PALLD: variants seen among roughly 807,000 people sequenced by gnomAD.
PALLD encodes palladin, cytoskeletal associated protein, also known as palladin.
In PALLD, 61 loss-of-function variants were observed where a neutral mutation model predicts 123.5. The observed-to-expected ratio is 0.49, with a 90% CI of 0.40 to 0.61. PALLD has a LOEUF of 0.61. PALLD is among the 20% of genes least tolerant of loss of function. PALLD has a pLI of 0.00. For synonymous variants in PALLD, 465 were observed against 496.4 expected, an observed-to-expected ratio of 0.94 and a Z score of 0.84; for missense variants, 1,273 against 1,377.0, an observed-to-expected ratio of 0.92 and a Z score of 1.20.
At chr4:168,679,500 T>TGC (rs1167078728) in intron 3 of PALLD, among the ~76,000 whole-genome samples, 5 of 124,194 alleles carry the variant, frequency 4.0e-5, no homozygotes, top group Admixed American at 1.6e-4. Flanking sequence ...GTGGGGTGTG[T>TGC]GTGTTTGTGT....
intron 10 of PALLD, among the ~76,000 whole-genome samples, chr4:168,725,586 G>C (rs1157513051): frequency 2.1e-5 from 3 of 143,634 alleles, no homozygotes; most frequent in Non-Finnish European, 3.0e-5. Context: ...GAGTGCAGTG[G>C]TGCGATCTCT....
Position 168,924,214 on chromosome 4 carries a change from T to C in PALLD, c.3059-41T>C, listed in dbSNP as rs1031605219. 7.0e-6 allele frequency: 11 copies of C among 1,567,720 alleles called. No individual in the cohort carries two copies. The African/African-American group carries it at 1.5e-4, about 21-fold the overall frequency. ...TTCTGAATTCTTTCTAGTGCTCCTT[T>C]TGTATATCATTGATAGAGAATTCAT... On this transcript the variant is annotated intron_variant, in intron 18 of 21. Transcript: ENST00000505667.
At chr4:168,720,464 A>G (rs559044016) in intron 10 of PALLD, among the ~76,000 whole-genome samples, 17 of 151,332 alleles carry the variant, frequency 1.1e-4, no homozygotes, top group Admixed American at 3.3e-4. Flanking sequence ...TCTTCAAAAT[A>G]TTAGGGAAGA....
At chr4:168,528,935 G>A (rs771699922) in intron 2 of PALLD, among the ~76,000 whole-genome samples, 3 of 152,162 alleles carry the variant, frequency 2.0e-5, no homozygotes, top group Non-Finnish European at 2.9e-5. Context: ...TGGATGAGGA[G>A]TGTGATACAA....
chr4:168,625,801 T>C (rs903340132), intron 2 of PALLD, among the ~76,000 whole-genome samples: 1 of 152,072 alleles, frequency 6.6e-6, no homozygotes, highest in Non-Finnish European at 1.5e-5. Flanking sequence ...TTGGAACTCA[T>C]GCGCCCTGTT....
At chr4:168,854,735 T>C (rs1455218500) in intron 10 of PALLD, among the ~76,000 whole-genome samples, 1 of 152,188 alleles carries the variant, frequency 6.6e-6, no homozygotes, top group Non-Finnish European at 1.5e-5. Flanking sequence ...AAGAGTGCTA[T>C]TAAAAAAGGA....
intron 2 of PALLD, among the ~76,000 whole-genome samples, chr4:168,537,067 C>T (rs561268435): frequency 1.3e-5 from 2 of 152,234 alleles, no homozygotes; most frequent in South Asian, 4.1e-4. Flanking sequence ...CCTTGTGATC[C>T]GCTGCCTCGG....
At chr4:168,883,664 C>G (rs536377164) in intron 10 of PALLD, among the ~76,000 whole-genome samples, 1 of 152,292 alleles carries the variant, frequency 6.6e-6, no homozygotes, top group African/African-American at 2.4e-5. Flanking sequence ...ATTTTACCTT[C>G]CAGATGCTTG....
chr4:168,617,630 T>C lies in PALLD; in HGVS notation c.909-50560T>C, dbSNP rs189710774. ...AGTCAGACTCCCTGGGTCTGAATAC[T>C]GGGCCCTCACTTTTTCGTGTGCATT... On this transcript the variant is annotated intron_variant, in intron 2 of 21. Transcript: ENST00000505667. Among the ~76,000 whole-genome samples the C allele has an allele frequency of 5.3e-5, 8 of 152,320 alleles. No homozygotes were observed. The East Asian group carries it at 1.5e-3, about 29-fold the overall frequency.
At chr4:168,612,138 T>C (rs1773792081) in intron 2 of PALLD, among the ~76,000 whole-genome samples, 1 of 151,714 alleles carries the variant, frequency 6.6e-6, no homozygotes, top group African/African-American at 2.4e-5. Context: ...CCAGCCTGGG[T>C]GACGAAGTGA....
intron 8 of PALLD, among the ~76,000 whole-genome samples, chr4:168,695,780 A>G (rs1458275735): frequency 6.6e-6 from 1 of 152,186 alleles, no homozygotes; most frequent in Non-Finnish European, 1.5e-5. Flanking sequence ...ATTTTTAAAC[A>G]CTAAATTGTT....
At chr4:168,873,795 G>C (rs1473118238) in intron 10 of PALLD, among the ~76,000 whole-genome samples, 1 of 152,118 alleles carries the variant, frequency 6.6e-6, no homozygotes, top group Non-Finnish European at 1.5e-5. Context: ...TTTTTAAATG[G>C]GGATAACCAT....
chr4:168,814,684 T>A (rs1326445737), intron 10 of PALLD, among the ~76,000 whole-genome samples: 2 of 152,204 alleles, frequency 1.3e-5, no homozygotes, highest in African/African-American at 4.8e-5. Flanking sequence ...GGGCTGAAAG[T>A]GAACAGTGAC....
intron 10 of PALLD, among the ~76,000 whole-genome samples, chr4:168,782,326 G>A (rs1328513908): frequency 6.6e-6 from 1 of 152,184 alleles, no homozygotes; most frequent in Non-Finnish European, 1.5e-5. Flanking sequence ...CAAACCATAG[G>A]TAGATGCTTA....
chr4:168,900,931 A>C (rs1756378957), intron 14 of PALLD, among the ~76,000 whole-genome samples: 1 of 152,252 alleles, frequency 6.6e-6, no homozygotes. Context: ...CACAAGGCTT[A>C]AGATCACTGA....
At chr4:168,552,472 C>T (rs1490275877) in intron 2 of PALLD, among the ~76,000 whole-genome samples, 1 of 152,156 alleles carries the variant, frequency 6.6e-6, no homozygotes, top group Non-Finnish European at 1.5e-5. Flanking sequence ...AAACACTAAC[C>T]TGCCAGCAAC....
chr4:168,549,961 CA>C (rs1347017985), intron 2 of PALLD, among the ~76,000 whole-genome samples: 8 of 152,314 alleles, frequency 5.3e-5, no homozygotes, highest in African/African-American at 1.4e-4. Context: ...ATATTATTTA[CA>C]CTTTCATCCA....
At chr4:168,536,231 C>A (rs1765075411) in intron 2 of PALLD, among the ~76,000 whole-genome samples, 1 of 152,178 alleles carries the variant, frequency 6.6e-6, no homozygotes, top group South Asian at 2.1e-4. Context: ...CAAATAGATT[C>A]CTGTTGCCCT....
intron 10 of PALLD, among the ~76,000 whole-genome samples, chr4:168,815,024 G>T (rs956076185): frequency 6.6e-6 from 1 of 152,186 alleles, no homozygotes; most frequent in African/African-American, 2.4e-5. Flanking sequence ...ACCTGCCTCG[G>T]CCTCCCAAAG....
Sources: gnomAD v4.1 joint callset for allele counts (sites outside exome capture counted in the v4.1 genomes callset) on GRCh38, gnomAD v4.1.1 for gene constraint, MANE v1.5 for transcripts, NCBI Gene and HGNC (gene_info 2026-07-23, HGNC 2026-07-21) for gene names.